The following SEC13 variants were observed in gnomAD, a reference collection of about 807,000 sequenced individuals.
The protein encoded by SEC13 is protein SEC13 homolog.
In SEC13, 25 loss-of-function variants were observed where a neutral mutation model predicts 49.2. The ratio of observed to expected loss-of-function variants is 0.51; its 90% CI spans 0.37 to 0.71. The LOEUF is 0.71. SEC13 is among the 30% of genes least tolerant of loss of function. The pLI is 0.00. For missense variants in SEC13, 383 were observed against 417.6 expected, an observed-to-expected ratio of 0.92 and a Z score of 0.72; for synonymous variants, 148 against 163.9, an observed-to-expected ratio of 0.90 and a Z score of 0.74.
chr3:10,305,224 A>C, intron 6 of SEC13, 68 bp from the exon 7 acceptor site: 2 of 1,527,356 alleles, frequency 1.3e-6, no homozygotes, highest in South Asian at 1.3e-5. Flanking sequence ...CCCCAACCCA[A>C]CAGGCTCTGC....
chr3:10,308,739 A>T (rs114949163), intron 5 of SEC13, among the ~76,000 whole-genome samples: 1,764 of 151,730 alleles, frequency 0.012, 16 homozygotes, highest in Middle Eastern at 0.041. Flanking sequence ...TTTTCTTTAA[A>T]GTCTAATAAT....
intron 1 of SEC13, 88 bp from the exon 2 acceptor site, chr3:10,318,182 C>T (rs1701723763): frequency 1.1e-6 from 1 of 874,522 alleles, no homozygotes; most frequent in African/African-American, 1.6e-5. Flanking sequence ...TTTGTTCACT[C>T]ACTCATTCAT....
At chr3:10,317,357 C>A (rs1454534267) in intron 2 of SEC13, among the ~76,000 whole-genome samples, 1 of 152,208 alleles carries the variant, frequency 6.6e-6, no homozygotes, top group African/African-American at 2.4e-5. Context: ...GTTGTGAGGG[C>A]AAGAACCCTG....
At chr3:10,319,298 A>G (rs1351931889) in intron 1 of SEC13, 1 of 1,593,774 alleles carries the variant, frequency 6.3e-7, no homozygotes, top group African/African-American at 1.4e-5. Flanking sequence ...AGACTCTCTA[A>G]AAACCAGGTC....
intron 1 of SEC13, among the ~76,000 whole-genome samples, chr3:10,319,658 A>G (rs1013787578): frequency 6.6e-5 from 10 of 151,678 alleles, no homozygotes; most frequent in African/African-American, 2.4e-4. Context: ...AAGTTTACTG[A>G]GAGGTAGTTT....
In SEC13 at chr3:10,321,065, G is replaced by T; in HGVS notation, c.-13C>A. Reference sequence around the variant, plus strand: ...CAACACTCACCATGATTGCGGCGGTGGCTGCTCCAGGTCTCGGACGTGGCA... The same window carrying T: ...CAACACTCACCATGATTGCGGCGGTTGCTGCTCCAGGTCTCGGACGTGGCA... On this transcript the variant is annotated 5_prime_UTR_variant, in exon 1 of 9. Coordinates refer to ENST00000350697, the MANE Select transcript of SEC13 (RefSeq NM_183352.3). This position sits in a 1 kb window ranked among gnomAD's most constrained non-coding sequence, Gnocchi z 4.1. The T allele has an allele frequency of 1.2e-6, 2 of 1,613,154 alleles. No individual in the cohort carries two copies. The highest frequency in any genetic ancestry group is 1.7e-6 in the Non-Finnish European group (2 of 1,179,720).
rs141455035 is a variant in SEC13, at chr3:10,315,709, C to T, written c.49-273G>A. Among the ~76,000 whole-genome samples, 2,302 of 152,278 alleles carry T rather than the reference C, an allele frequency of 0.015. 33 individuals are homozygous for T. Among genetic ancestry groups the T allele is most frequent in the Admixed American group, 0.036 (554 of 15,294 alleles). ...GGGAAGGGCTCTTCCATTCCTGTTC[C>T]GCAGGGTGGGTATGGGAGAAAAAAA... On this transcript the variant is annotated intron_variant, in intron 2 of 8. Transcript: ENST00000350697.
chr3:10,310,615 A>G (rs1701194512), intron 5 of SEC13, among the ~76,000 whole-genome samples: 1 of 152,206 alleles, frequency 6.6e-6, no homozygotes, highest in Non-Finnish European at 1.5e-5. Flanking sequence ...GAACCCTCAT[A>G]CACTGCTGAT....
intron 7 of SEC13, 26 bp from the exon 8 acceptor site, chr3:10,304,198 G>A (rs775725987): frequency 1.9e-6 from 3 of 1,612,524 alleles, no homozygotes; most frequent in East Asian, 2.2e-5. Flanking sequence ...ATAGAGTCAG[G>A]AGGTGGAGTC....
At position 10,317,960 on chromosome 3, in the gene SEC13, A is replaced by G. The variant is rs866109140; in HGVS notation, c.48+90T>C. ...CACCCTGGATCCATGAATGATCAAC[A>G]GAAAGGGGTAATGAAAACCCCAAAT... On this transcript the variant is annotated intron_variant, in intron 2 of 8. Transcript: ENST00000350697. 91 of 837,830 alleles carry G rather than the reference A, an allele frequency of 1.1e-4. No individual in the cohort carries two copies. In the African/African-American group the frequency reaches 1.2e-3, roughly 11 times the overall value. The allele number at this position is 837,830 out of a possible 1,614,324, so 51.9% of individuals were successfully genotyped here.
chr3:10,316,547 A>T (rs1264491416), intron 2 of SEC13, among the ~76,000 whole-genome samples: 1 of 152,020 alleles, frequency 6.6e-6, no homozygotes, highest in Non-Finnish European at 1.5e-5. Flanking sequence ...TTCAGATCTA[A>T]ATCCTATCTC....
chr3:10,309,546 A>C (rs76797104), intron 5 of SEC13, among the ~76,000 whole-genome samples: 4,077 of 152,126 alleles, frequency 0.027, 109 homozygotes, highest in African/African-American at 0.065. Flanking sequence ...TTTAATTCTA[A>C]TTCTTTCCTG....
At chr3:10,316,020 C>A (rs1206953957) in intron 2 of SEC13, among the ~76,000 whole-genome samples, 1 of 152,224 alleles carries the variant, frequency 6.6e-6, no homozygotes, top group East Asian at 1.9e-4. Context: ...TCTGCTCGAC[C>A]TTTTCCCTAG....
intron 1 of SEC13, 32 bp from the exon 2 acceptor site, chr3:10,318,126 T>A (rs1173053984): frequency 6.7e-7 from 1 of 1,487,634 alleles, no homozygotes; most frequent in Non-Finnish European, 9.4e-7. Context: ...GTAAATTAAC[T>A]CATGGCAGTT....
chr3:10,307,033 CTCTT>C (rs780410782), intron 5 of SEC13, among the ~76,000 whole-genome samples: 16 of 151,278 alleles, frequency 1.1e-4, no homozygotes, highest in African/African-American at 2.7e-4. Context: ...ACTGATTCTC[CTCTT>C]TATTTATTAT....
At chr3:10,304,898 C>T in intron 7 of SEC13, 135 bp downstream of exon 7, 2 of 1,301,960 alleles carry the variant, frequency 1.5e-6, no homozygotes, top group South Asian at 2.6e-5. Context: ...AATGACCTGA[C>T]TCCCTGTGCT....
rs959945547 is a variant in SEC13 at position 10,319,213 on chromosome 3, A to G, written c.4-1119T>C. ...TTGACTTGTGATTTCAGAAAGGCAG[A>G]CAGTGGAAGAGGATGGCTGCAAAGC... On this transcript the variant is annotated intron_variant, in intron 1 of 8. Transcript: ENST00000350697. 7.4e-6 allele frequency: 12 copies of G among 1,613,668 alleles called. No homozygotes were observed. The Admixed American group carries it at 1.7e-4, about 22-fold the overall frequency.
At chr3:10,306,260 G>A (rs1276842849) in intron 5 of SEC13, among the ~76,000 whole-genome samples, 1 of 151,766 alleles carries the variant, frequency 6.6e-6, no homozygotes. Context: ...CAATTTTTCT[G>A]CTGAAGAGAG....
chr3:10,312,616 C>G lies in SEC13; in HGVS notation c.279G>C (p.Trp93Cys). The G allele has an allele frequency of 6.2e-7, 1 of 1,614,164 alleles. No homozygotes were observed. Among genetic ancestry groups the G allele is most frequent in the Non-Finnish European group, 8.5e-7 (1 of 1,180,032 alleles). ...VIIWREENGTWEKSHEHAGHD... is the reference protein window; with the variant it reads ...VIIWREENGTCEKSHEHAGHD... The stretch of plus-strand genomic sequence containing the variant: ...GTCCCGCATGCTCGTGGCTCTTCTC[C>G]CAGGTGCCGTTTTCCTCTCTCCAGA... The change falls in exon 4 of 9, where the codon TGG (tryptophan) becomes TGC (cysteine). Residue 93 changes from tryptophan to cysteine, a missense_variant. Physicochemically the swap from Trp to Cys is radical, Grantham distance 215 (BLOSUM62 -2). Transcript: ENST00000350697.
Sources: gnomAD v4.1 joint callset for allele counts (sites outside exome capture counted in the v4.1 genomes callset) on GRCh38, gnomAD v4.1.1 for gene constraint, Gnocchi (gnomAD v3.1) non-coding constraint, MANE v1.5 for transcripts, NCBI Gene and HGNC (gene_info 2026-07-23, HGNC 2026-07-21) for gene names.